The following ANKRD11 variants were observed in gnomAD, a reference collection of about 807,000 sequenced individuals.
ANKRD11 encodes the protein ankyrin repeat domain 11, also known as ankyrin repeat domain-containing protein 11.
ANKRD11 carries 17 observed loss-of-function variants against 195.7 expected under a neutral mutation model. That is an observed-to-expected ratio of 0.09 (90% CI 0.06 to 0.13). The LOEUF (loss-of-function observed/expected upper bound fraction) is 0.13. Among genes scored for constraint, ANKRD11 ranks in the 10% least tolerant of loss-of-function variants. The pLI is 1.00. For missense variants in ANKRD11, 3,735 were observed against 3,566.1 expected, an observed-to-expected ratio of 1.05 and a Z score of -1.21; for synonymous variants, 1,953 against 1,528.1, an observed-to-expected ratio of 1.28 and a Z score of -6.49.
At chr16:89,373,313 A>G (rs1170360107) in intron 2 of ANKRD11, 1 of 152,270 alleles carries the variant, frequency 6.6e-6, no homozygotes, top group Non-Finnish European at 1.5e-5. Flanking sequence ...AGCATCCAAC[A>G]CAGCAACACC....
At chr16:89,441,765 T>TAAAAAAA (rs2043501720) in intron 1 of ANKRD11, among the ~76,000 whole-genome samples, 1 of 7,180 alleles carries the variant, frequency 1.4e-4, no homozygotes, top group Non-Finnish European at 2.2e-4. Flanking sequence ...AGACTCCGCC[T>TAAAAAAA]ACAAAAAAAA....
chr16:89,272,305 T>C (rs2033230774), intron 11 of ANKRD11: 1 of 152,184 alleles, frequency 6.6e-6, no homozygotes, highest in Non-Finnish European at 1.5e-5. Flanking sequence ...GGAATGTAAA[T>C]TAAAACAGCC....
At chr16:89,331,265 A>C (rs2038053090) in intron 2 of ANKRD11, among the ~76,000 whole-genome samples, 1 of 152,220 alleles carries the variant, frequency 6.6e-6, no homozygotes, top group African/African-American at 2.4e-5. Flanking sequence ...GATGAAATAC[A>C]TTCTTAATAT....
chr16:89,288,139 G>A (rs1373435377), intron 7 of ANKRD11: 4 of 602,044 alleles, frequency 6.6e-6, no homozygotes, highest in Non-Finnish European at 8.9e-6. Flanking sequence ...ACCTCTTGGT[G>A]TTACCTCATT....
At chr16:89,329,311 G>A (rs1165135042) in intron 2 of ANKRD11, among the ~76,000 whole-genome samples, 7 of 152,182 alleles carry the variant, frequency 4.6e-5, no homozygotes, top group Admixed American at 2.6e-4. Context: ...TCATGTTCCC[G>A]GCCACTGGGC....
chr16:89,372,038 G>C (rs1013507895), intron 2 of ANKRD11, among the ~76,000 whole-genome samples: 3 of 152,198 alleles, frequency 2.0e-5, no homozygotes, highest in African/African-American at 7.2e-5. Flanking sequence ...CCAGGACTGA[G>C]CACTCACACT....
intron 2 of ANKRD11, among the ~76,000 whole-genome samples, chr16:89,355,128 C>A (rs3114884): frequency 7.8e-4 from 119 of 152,284 alleles, no homozygotes; most frequent in African/African-American, 2.7e-3. Flanking sequence ...TGTGGTCTCC[C>A]GTCTGGCCAA....
At chr16:89,488,875 T>A (rs1392063037) in intron 1 of ANKRD11, among the ~76,000 whole-genome samples, 1 of 152,172 alleles carries the variant, frequency 6.6e-6, no homozygotes, top group Non-Finnish European at 1.5e-5. Flanking sequence ...TAAAACCCTG[T>A]TCTTGCAAAA....
intron 2 of ANKRD11, among the ~76,000 whole-genome samples, chr16:89,386,740 T>C (rs561932112): frequency 1.3e-5 from 2 of 152,208 alleles, no homozygotes; most frequent in Admixed American, 6.5e-5. Context: ...CCATTGACTG[T>C]TGGATTTCAT....
At chr16:89,456,850 T>C (rs1024191121) in intron 1 of ANKRD11, among the ~76,000 whole-genome samples, 1 of 152,066 alleles carries the variant, frequency 6.6e-6, no homozygotes, top group Admixed American at 6.5e-5. Context: ...AGAAATATCC[T>C]GGAATAGACA....
chr16:89,369,266 C>T (rs1009599808), intron 2 of ANKRD11, among the ~76,000 whole-genome samples: 4 of 152,208 alleles, frequency 2.6e-5, no homozygotes, highest in African/African-American at 9.6e-5. Context: ...TAGGTACGCC[C>T]GAGAAATGCC....
intron 1 of ANKRD11, among the ~76,000 whole-genome samples, chr16:89,425,300 C>A (rs2042672596): frequency 6.6e-6 from 1 of 152,138 alleles, no homozygotes; most frequent in Non-Finnish European, 1.5e-5. Context: ...ACCAGGCTGG[C>A]TGGCTCCAGT....
chr16:89,397,211 T>A (rs2041477198), intron 2 of ANKRD11, among the ~76,000 whole-genome samples: 1 of 152,060 alleles, frequency 6.6e-6, no homozygotes, highest in African/African-American at 2.4e-5. Context: ...GTCCTGAGGA[T>A]GAGGACCTGG....
intron 2 of ANKRD11, among the ~76,000 whole-genome samples, chr16:89,319,467 G>A (rs900562501): frequency 9.2e-5 from 14 of 152,226 alleles, no homozygotes; most frequent in East Asian, 1.9e-4. Context: ...CCAGGTGTAC[G>A]CTGTGTTTTC....
At chr16:89,380,562 T>C (rs2040600744) in intron 2 of ANKRD11, among the ~76,000 whole-genome samples, 2 of 148,350 alleles carry the variant, frequency 1.3e-5, no homozygotes, top group South Asian at 2.1e-4. Context: ...CCCCAGGACC[T>C]GCCCGCTGCC....
intron 4 of ANKRD11, chr16:89,300,738 T>G (rs2035800275): frequency 3.5e-6 from 2 of 571,878 alleles, no homozygotes; most frequent in Non-Finnish European, 6.3e-6. Flanking sequence ...GCCAAGCACC[T>G]AACGCTGAAG....
chr16:89,302,177 C>T (rs963054903), intron 4 of ANKRD11, among the ~76,000 whole-genome samples: 3 of 152,222 alleles, frequency 2.0e-5, no homozygotes, highest in African/African-American at 4.8e-5. Context: ...AAGGAGGGGA[C>T]GCGGCGTGTG....
intron 2 of ANKRD11, among the ~76,000 whole-genome samples, chr16:89,386,523 G>T (rs2040917892): frequency 6.6e-6 from 1 of 152,188 alleles, no homozygotes; most frequent in South Asian, 2.1e-4. Context: ...GGGAAAGGGG[G>T]CTCTTCTCTG....
At chr16:89,374,527 T>C (rs773845675) in intron 2 of ANKRD11, among the ~76,000 whole-genome samples, 2 of 152,174 alleles carry the variant, frequency 1.3e-5, no homozygotes, top group Non-Finnish European at 2.9e-5. Context: ...TCAGAGCCGA[T>C]GGCCTCTGCC....
Sources: gnomAD v4.1 joint callset for allele counts (sites outside exome capture counted in the v4.1 genomes callset) on GRCh38, gnomAD v4.1.1 for gene constraint, MANE v1.5 for transcripts, NCBI Gene and HGNC (gene_info 2026-07-23, HGNC 2026-07-21) for gene names.